Variants in GLDC observed in about 807,000 individuals in gnomAD.
GLDC encodes glycine decarboxylase.
GLDC carries 104 observed loss-of-function variants against 121.3 expected under a neutral mutation model. The ratio of observed to expected loss-of-function variants is 0.86; its 90% CI spans 0.73 to 1.01. The LOEUF (loss-of-function observed/expected upper bound fraction) is 1.01. Ranked by LOEUF, GLDC falls within the 50% of genes least tolerant of loss-of-function variation. GLDC has a pLI of 0.00. For synonymous variants in GLDC, 546 were observed against 480.6 expected, an observed-to-expected ratio of 1.14 and a Z score of -1.78; for missense variants, 1,429 against 1,306.6, an observed-to-expected ratio of 1.09 and a Z score of -1.44.
intron 2 of GLDC, among the ~76,000 whole-genome samples, chr9:6,626,761 G>A (rs547517825): frequency 6.6e-6 from 1 of 152,270 alleles, no homozygotes; most frequent in South Asian, 2.1e-4. Flanking sequence ...CCCCTTGCGA[G>A]AGAGCCCTGA....
At position 6,639,245 on chromosome 9, in the gene GLDC, C is replaced by CA. The variant is rs372554740; in HGVS notation, c.334+5368dup. 1.8e-3 allele frequency: 1,538 copies of CA among 867,260 alleles called. 1 individual carries two copies. The highest frequency in any genetic ancestry group is 2.4e-3 in the Non-Finnish European group (1,263 of 528,208). 53.7% of individuals were successfully genotyped at this position (867,260 alleles called of 1,614,324 possible). A position where few individuals can be genotyped will look rare whatever the true frequency, so the allele number is the denominator to read the frequency against. The stretch of plus-strand genomic sequence containing the variant: ...CAGTGTTGAAAGGTGTCCACAGCCA[C>CA]AAAAAAAAAGAAGATCCGCACATCA... On this transcript the variant is annotated intron_variant, in intron 2 of 24. Transcript: ENST00000321612.
At chr9:6,604,550 T>G in intron 7 of GLDC, 38 bp downstream of exon 7, 1 of 1,538,512 alleles carries the variant, frequency 6.5e-7, no homozygotes, top group Non-Finnish European at 9.0e-7. Context: ...AGGGAAATCA[T>G]AATCACAATA....
intron 16 of GLDC, among the ~76,000 whole-genome samples, chr9:6,561,118 C>T (rs1164066357): frequency 6.6e-6 from 1 of 152,188 alleles, no homozygotes; most frequent in African/African-American, 2.4e-5. Flanking sequence ...GACACCTGGC[C>T]TCTGCAACTA....
At chr9:6,568,532 A>G (rs1012903503) in intron 15 of GLDC, among the ~76,000 whole-genome samples, 1 of 152,198 alleles carries the variant, frequency 6.6e-6, no homozygotes, top group African/African-American at 2.4e-5. Flanking sequence ...ATGTGAGCAC[A>G]GCTTAAACTG....
intron 2 of GLDC, chr9:6,639,665 AAAAG>A (rs1165051417): frequency 5.9e-6 from 2 of 338,592 alleles, no homozygotes; most frequent in East Asian, 1.5e-4. Context: ...ACCATAAAAA[AAAAG>A]TATATATATA....
At chr9:6,637,108 CG>C (rs1226064057) in intron 2 of GLDC, among the ~76,000 whole-genome samples, 4 of 150,164 alleles carry the variant, frequency 2.7e-5, no homozygotes, top group Non-Finnish European at 4.4e-5. Flanking sequence ...TAAAAAAGTC[CG>C]GGCACAATGG....
chr9:6,611,220 T>C (rs1375487728), intron 3 of GLDC, among the ~76,000 whole-genome samples: 1 of 152,228 alleles, frequency 6.6e-6, no homozygotes, highest in Non-Finnish European at 1.5e-5. Flanking sequence ...TCTCCTTCAA[T>C]TATTAGCCAA....
intron 11 of GLDC, 163 bp downstream of exon 11, chr9:6,591,980 A>G: frequency 1.5e-6 from 1 of 666,188 alleles, no homozygotes; most frequent in Non-Finnish European, 2.7e-6. Context: ...AGTGACCTCC[A>G]GCTGTCAGCA....
chr9:6,639,032 T>A, intron 2 of GLDC: 1 of 551,172 alleles, frequency 1.8e-6, no homozygotes, highest in East Asian at 3.2e-5. Context: ...AAGTATATCC[T>A]CAGAGTGTCT....
intron 17 of GLDC, 135 bp from the exon 18 acceptor site, chr9:6,556,437 A>C (rs1817632779): frequency 5.6e-6 from 4 of 720,140 alleles, no homozygotes; most frequent in Non-Finnish European, 9.8e-6. Flanking sequence ...GTCTCAAAGT[A>C]CAATGACAGC....
chr9:6,550,980 C>A, intron 20 of GLDC, 66 bp from the exon 21 acceptor site: 1 of 984,332 alleles, frequency 1.0e-6, no homozygotes, highest in Non-Finnish European at 1.6e-6. Flanking sequence ...AGAAACCAAC[C>A]AAAAGACACC....
At chr9:6,543,472 C>T (rs953874998) in intron 21 of GLDC, among the ~76,000 whole-genome samples, 4 of 152,148 alleles carry the variant, frequency 2.6e-5, no homozygotes, top group Non-Finnish European at 5.9e-5. Flanking sequence ...ACCGTCAAGC[C>T]AAGCCCAACA....
chr9:6,625,137 T>G (rs1030669037), intron 2 of GLDC, among the ~76,000 whole-genome samples: 1 of 152,206 alleles, frequency 6.6e-6, no homozygotes, highest in Non-Finnish European at 1.5e-5. Context: ...TTAAGAGAGC[T>G]GGTGCTATGG....
At chr9:6,559,516 TAAAA>T (rs56198084) in intron 16 of GLDC, among the ~76,000 whole-genome samples, 5 of 83,272 alleles carry the variant, frequency 6.0e-5, no homozygotes, top group East Asian at 3.7e-4. Flanking sequence ...ACTCCGTATT[TAAAA>T]AAAAAAAAAA....
intron 21 of GLDC, among the ~76,000 whole-genome samples, chr9:6,542,948 G>GA (rs964379398): frequency 2.7e-5 from 4 of 148,680 alleles, no homozygotes; most frequent in East Asian, 2.0e-4. Flanking sequence ...TAAACATAGG[G>GA]AAAAAATGCT....
chr9:6,534,449 A>G (rs1456244161), intron 24 of GLDC, among the ~76,000 whole-genome samples: 2 of 150,954 alleles, frequency 1.3e-5, no homozygotes, highest in Non-Finnish European at 2.9e-5. Flanking sequence ...GTGGAGGGAA[A>G]CACATTGGTC....
At chr9:6,638,224 T>C (rs958535645) in intron 2 of GLDC, among the ~76,000 whole-genome samples, 8 of 151,960 alleles carry the variant, frequency 5.3e-5, no homozygotes, top group Admixed American at 3.9e-4. Context: ...TGTTGTTTTT[T>C]TTTTTGAGAC....
intron 15 of GLDC, among the ~76,000 whole-genome samples, chr9:6,580,492 G>C (rs1818152581): frequency 6.6e-6 from 1 of 152,140 alleles, no homozygotes; most frequent in African/African-American, 2.4e-5. Flanking sequence ...AAGATGTAGG[G>C]CTCAGCATAC....
At chr9:6,561,801 A>G (rs770842931) in intron 16 of GLDC, among the ~76,000 whole-genome samples, 2 of 152,178 alleles carry the variant, frequency 1.3e-5, no homozygotes, top group African/African-American at 4.8e-5. Flanking sequence ...GCCGCGTGGC[A>G]TAGAATAGCA....
Sources: allele counts gnomAD v4.1 joint callset (sites outside exome capture counted in the v4.1 genomes callset), GRCh38; gene constraint gnomAD v4.1.1; transcripts MANE v1.5; gene names NCBI Gene and HGNC (gene_info 2026-07-23, HGNC 2026-07-21).